Variants in ASTN2 observed in about 807,000 individuals in gnomAD.
ASTN2 encodes the protein astrotactin 2.
A neutral mutation model predicts 139.8 loss-of-function variants in ASTN2; 54 were observed. The observed-to-expected ratio is 0.39, with a 90% CI of 0.31 to 0.48. ASTN2 has a LOEUF of 0.48. Ranked by LOEUF, ASTN2 falls within the 20% of genes least tolerant of loss-of-function variation. ASTN2 has a pLI of 0.95. For missense variants in ASTN2, 1,565 were observed against 1,725.1 expected (o/e 0.91, Z 1.64); for synonymous variants, 756 against 719.5 (o/e 1.05, Z -0.81).
At chr9:117,268,217 G>A (rs1004263479) in intron 2 of ASTN2, among the ~76,000 whole-genome samples, 8 of 152,094 alleles carry the variant, frequency 5.3e-5, no homozygotes, top group East Asian at 3.9e-4. Flanking sequence ...GTCCACCTGC[G>A]TTCATCAGTC....
At chr9:116,498,536 T>C (rs1849746704) in intron 19 of ASTN2, among the ~76,000 whole-genome samples, 1 of 151,966 alleles carries the variant, frequency 6.6e-6, no homozygotes, top group Non-Finnish European at 1.5e-5. Context: ...AGATCAAGGT[T>C]GCAGTGAGCT....
At chr9:117,044,357 T>G (rs913994348) in intron 5 of ASTN2, among the ~76,000 whole-genome samples, 5 of 152,158 alleles carry the variant, frequency 3.3e-5, no homozygotes, top group Non-Finnish European at 7.3e-5. Flanking sequence ...CACAGTTGTT[T>G]CCGAAGTCCA....
intron 3 of ASTN2, among the ~76,000 whole-genome samples, chr9:117,154,446 G>A (rs1001144062): frequency 6.6e-6 from 1 of 152,036 alleles, no homozygotes; most frequent in Non-Finnish European, 1.5e-5. Flanking sequence ...TCTGGAAGCA[G>A]AAGAATGGCA....
chr9:116,841,349 C>T (rs1832250392), intron 11 of ASTN2, among the ~76,000 whole-genome samples: 1 of 152,180 alleles, frequency 6.6e-6, no homozygotes, highest in African/African-American at 2.4e-5. Context: ...TTCGGCTCGG[C>T]ATGAGAGGGA....
At chr9:116,977,672 C>G (rs1184132408) in intron 7 of ASTN2, among the ~76,000 whole-genome samples, 4 of 151,410 alleles carry the variant, frequency 2.6e-5, no homozygotes, top group Non-Finnish European at 4.4e-5. Flanking sequence ...CAGCTGTTGT[C>G]ATATCTGCTC....
intron 1 of ASTN2, among the ~76,000 whole-genome samples, chr9:117,363,045 G>C (rs1342307844): frequency 6.6e-6 from 1 of 151,986 alleles, no homozygotes; most frequent in East Asian, 1.9e-4. Context: ...CTTTTACAAT[G>C]ACCAAAATAC....
At chr9:116,737,610 C>T (rs866212064) in intron 13 of ASTN2, among the ~76,000 whole-genome samples, 97 of 137,348 alleles carry the variant, frequency 7.1e-4, no homozygotes, top group Non-Finnish European at 9.6e-4. Flanking sequence ...CATGTGCCAA[C>T]GTGTGTGTGT....
At chr9:116,884,811 C>CCCG (rs1833551225) in intron 10 of ASTN2, among the ~76,000 whole-genome samples, 1 of 126,414 alleles carries the variant, frequency 7.9e-6, no homozygotes, top group South Asian at 3.4e-4. Flanking sequence ...CCGCCCCCCC[C>CCCG]CCACCCACTT....
At chr9:116,570,129 C>G (rs887267620) in intron 19 of ASTN2, among the ~76,000 whole-genome samples, 1 of 152,164 alleles carries the variant, frequency 6.6e-6, no homozygotes, top group African/African-American at 2.4e-5. Flanking sequence ...GCCTTGCTTT[C>G]TTTATCTGAA....
intron 20 of ASTN2, among the ~76,000 whole-genome samples, chr9:116,462,255 C>T (rs1848509791): frequency 6.6e-6 from 1 of 152,162 alleles, no homozygotes; most frequent in Non-Finnish European, 1.5e-5. Flanking sequence ...TCACCACAAT[C>T]CCATGAAGTA....
rs77754164 is a variant in ASTN2 at position 116,549,325 on chromosome 9, G to A, written c.3356-61825C>T. On this transcript the variant is annotated intron_variant, in intron 19 of 22. Coordinates refer to ENST00000313400, the MANE Select transcript of ASTN2 (RefSeq NM_001365068.1). ...GTCAGGGAAGAGAAAGGGGTAAAAC[G>A]TAGAGGGACAAAAAGAAATAAAAGC... Among the ~76,000 whole-genome samples, 772 of 152,082 alleles carry A rather than the reference G, an allele frequency of 5.1e-3. 2 individuals carry two copies. Among genetic ancestry groups the A allele is most frequent in the Non-Finnish European group, 8.6e-3 (582 of 67,980 alleles).
chr9:116,575,747 A>G (rs1184985674), intron 19 of ASTN2, among the ~76,000 whole-genome samples: 1 of 152,086 alleles, frequency 6.6e-6, no homozygotes, highest in Non-Finnish European at 1.5e-5. Context: ...TTTCCCCTCA[A>G]AATATTGACT....
At chr9:117,123,618 A>T (rs1256391069) in intron 4 of ASTN2, among the ~76,000 whole-genome samples, 1 of 152,174 alleles carries the variant, frequency 6.6e-6, no homozygotes, top group African/African-American at 2.4e-5. Context: ...TACTGGCTGA[A>T]TGTAAGAGGC....
chr9:117,114,105 A>T (rs944740390), intron 4 of ASTN2, among the ~76,000 whole-genome samples: 5 of 152,132 alleles, frequency 3.3e-5, no homozygotes, highest in Non-Finnish European at 7.4e-5. Flanking sequence ...GAGGTACAGA[A>T]CATTTTCATT....
intron 7 of ASTN2, among the ~76,000 whole-genome samples, chr9:117,001,092 T>A (rs905501063): frequency 2.6e-5 from 4 of 152,122 alleles, no homozygotes; most frequent in African/African-American, 9.7e-5. Context: ...ACCAAGACAA[T>A]TATATATATG....
chr9:117,158,620 G>T (rs1292879360), intron 3 of ASTN2, among the ~76,000 whole-genome samples: 1 of 151,994 alleles, frequency 6.6e-6, no homozygotes, highest in Non-Finnish European at 1.5e-5. Context: ...ATCAGTGAGT[G>T]CATGGCAGAA....
At chr9:116,892,149 T>A in intron 10 of ASTN2, among the ~76,000 whole-genome samples, 1 of 152,352 alleles carries the variant, frequency 6.6e-6, no homozygotes, top group Middle Eastern at 3.4e-3. Flanking sequence ...GTAATAGTGA[T>A]ATCTATATAA....
intron 2 of ASTN2, among the ~76,000 whole-genome samples, chr9:117,238,743 A>G (rs1485566470): frequency 6.6e-6 from 1 of 152,172 alleles, no homozygotes; most frequent in East Asian, 1.9e-4. Flanking sequence ...TCAGAGAAAC[A>G]TGAATGTTGG....
chr9:116,604,340 C>T (rs985478507), intron 19 of ASTN2, among the ~76,000 whole-genome samples: 1 of 152,202 alleles, frequency 6.6e-6, no homozygotes, highest in African/African-American at 2.4e-5. Flanking sequence ...AGAAACCTTT[C>T]ACCCAGAAAG....
Sources: gnomAD v4.1 joint callset for allele counts (sites outside exome capture counted in the v4.1 genomes callset) on GRCh38, gnomAD v4.1.1 for gene constraint, MANE v1.5 for transcripts, NCBI Gene and HGNC (gene_info 2026-07-23, HGNC 2026-07-21) for gene names.